RBM6: variants seen among roughly 807,000 people sequenced by gnomAD.
RBM6 encodes the protein RNA binding motif protein 6.
A neutral mutation model predicts 140.4 loss-of-function variants in RBM6; 23 were observed. The ratio of observed to expected loss-of-function variants is 0.16; its 90% CI spans 0.12 to 0.23. RBM6 has a LOEUF of 0.23. Ranked by LOEUF, RBM6 falls within the 10% of genes least tolerant of loss-of-function variation. The probability of loss-of-function intolerance (pLI) is 1.00; values close to 1 mark genes in which losing one functional copy is unlikely to be tolerated. For missense variants in RBM6, 1,139 were observed against 1,386.7 expected (o/e 0.82, Z 2.84); for synonymous variants, 439 against 475.6 (o/e 0.92, Z 1.00).
At chr3:49,966,011 A>C (rs536280389) in intron 2 of RBM6, among the ~76,000 whole-genome samples, 1 of 152,268 alleles carries the variant, frequency 6.6e-6, no homozygotes, top group South Asian at 2.1e-4. Context: ...CTGTAATCCC[A>C]GCTACTCTGG....
intron 1 of RBM6, among the ~76,000 whole-genome samples, chr3:49,942,330 A>C (rs1175218206): frequency 6.6e-6 from 1 of 151,438 alleles, no homozygotes; most frequent in African/African-American, 2.4e-5. Context: ...TCTACTAAAA[A>C]TACAAAAAAT....
At chr3:50,033,963 T>A (rs1455008350) in intron 6 of RBM6, among the ~76,000 whole-genome samples, 2 of 152,068 alleles carry the variant, frequency 1.3e-5, no homozygotes, top group African/African-American at 4.8e-5. Flanking sequence ...CTATGTGTGT[T>A]TTTCCTAAAC....
intron 1 of RBM6, among the ~76,000 whole-genome samples, chr3:49,950,670 G>T (rs1007429224): frequency 9.2e-5 from 14 of 151,852 alleles, no homozygotes; most frequent in Non-Finnish European, 1.3e-4. Context: ...CAGGAGAATC[G>T]CTTGAATCCG....
intron 5 of RBM6, among the ~76,000 whole-genome samples, chr3:49,976,607 ACTCT>A (rs1429899797): frequency 2.0e-5 from 3 of 151,896 alleles, no homozygotes; most frequent in African/African-American, 7.3e-5. Flanking sequence ...ATGCTTTTTA[ACTCT>A]CAGGATAATA....
rs375289059 is a variant in RBM6, at chr3:50,025,995, G to A, written c.1558-22250G>A. ...TGTAATCCCAGCTACTCAGGAGGCC[G>A]AGGCAGAACTGCTTGGAGATGGAGG... On this transcript the variant is annotated intron_variant, in intron 6 of 20. Transcript: ENST00000266022. Among the ~76,000 whole-genome samples the A allele has an allele frequency of 1.2e-4, 18 of 152,196 alleles. No homozygotes were observed. The East Asian group carries it at 2.3e-3, about 20-fold the overall frequency.
At chr3:50,031,464 G>C (rs1232822873) in intron 6 of RBM6, among the ~76,000 whole-genome samples, 1 of 151,928 alleles carries the variant, frequency 6.6e-6, no homozygotes, top group Non-Finnish European at 1.5e-5. Flanking sequence ...CCATCATTCT[G>C]AGCAAACTAT....
rs1015389403 is a variant in RBM6, at chr3:49,967,026, A to T, written c.45-444A>T. On this transcript the variant is annotated intron_variant, in intron 2 of 20. Transcript: ENST00000266022. This position sits in a 1 kb window ranked among gnomAD's most constrained non-coding sequence, Gnocchi z 4.0. ...TACCGCTGGATGCAGCGTGAGAAAG[A>T]TACCTCCTGAAACTTACTGTAAGAA... Among the ~76,000 whole-genome samples the T allele has an allele frequency of 6.6e-6, 1 of 152,154 alleles. No individual in the cohort carries two copies. Among genetic ancestry groups the T allele is most frequent in the African/African-American group, 2.4e-5 (1 of 41,428 alleles).
intron 2 of RBM6, among the ~76,000 whole-genome samples, chr3:49,966,584 A>G (rs2084527620): frequency 6.6e-6 from 1 of 152,200 alleles, no homozygotes. Flanking sequence ...AATGTATTTT[A>G]TTGCCATGAA....
intron 1 of RBM6, among the ~76,000 whole-genome samples, chr3:49,948,202 G>A (rs1559512487): frequency 6.6e-6 from 1 of 152,112 alleles, no homozygotes; most frequent in South Asian, 2.1e-4. Flanking sequence ...CTGCACTGTT[G>A]TGATGGCTGT....
intron 5 of RBM6, among the ~76,000 whole-genome samples, chr3:49,993,682 C>A (rs2085933726): frequency 2.7e-5 from 4 of 150,650 alleles, no homozygotes; most frequent in Non-Finnish European, 5.9e-5. Flanking sequence ...CAGTGTATAT[C>A]TTCCTTTTTT....
chr3:49,973,845 C>T (rs894907787), intron 4 of RBM6, among the ~76,000 whole-genome samples: 1 of 152,060 alleles, frequency 6.6e-6, no homozygotes, highest in South Asian at 2.1e-4. Flanking sequence ...CTCGGCCTCT[C>T]AAAGTGCTGA....
At chr3:50,009,377 T>G (rs1250403931) in intron 6 of RBM6, among the ~76,000 whole-genome samples, 1 of 152,150 alleles carries the variant, frequency 6.6e-6, no homozygotes, top group East Asian at 1.9e-4. Context: ...GCAGGTGACA[T>G]TGAGTGTTAT....
At chr3:50,068,437 G>A (rs539696636) in intron 17 of RBM6, among the ~76,000 whole-genome samples, 3 of 152,288 alleles carry the variant, frequency 2.0e-5, no homozygotes, top group Non-Finnish European at 2.9e-5. Flanking sequence ...TTTCAACTTA[G>A]ATAAAGAGAT....
chr3:50,040,717 C>A (rs1294025702), intron 6 of RBM6, among the ~76,000 whole-genome samples: 1 of 150,114 alleles, frequency 6.7e-6, no homozygotes, highest in Non-Finnish European at 1.5e-5. Flanking sequence ...AATGCAATGG[C>A]GTGAGCTTGG....
chr3:49,991,263 A>G (rs1169041521), intron 5 of RBM6, among the ~76,000 whole-genome samples: 1 of 152,220 alleles, frequency 6.6e-6, no homozygotes, highest in Admixed American at 6.5e-5. Context: ...CCACCGTCCC[A>G]GCATGTAGAT....
At chr3:50,073,969 C>T (rs1207510774) in intron 19 of RBM6, among the ~76,000 whole-genome samples, 3 of 152,036 alleles carry the variant, frequency 2.0e-5, no homozygotes, top group African/African-American at 7.2e-5. Flanking sequence ...CCTGCCTCAG[C>T]CTCCCCAGTA....
intron 6 of RBM6, 55 bp from the exon 7 acceptor site, chr3:50,048,190 C>T: frequency 2.5e-6 from 4 of 1,593,590 alleles, no homozygotes; most frequent in Non-Finnish European, 3.4e-6. Context: ...GCCTTTCTGT[C>T]TCTGTCTGTT....
intron 4 of RBM6, among the ~76,000 whole-genome samples, chr3:49,972,836 C>T (rs1038852837): frequency 6.6e-6 from 1 of 152,110 alleles, no homozygotes; most frequent in Non-Finnish European, 1.5e-5. Flanking sequence ...CATGGTAGCT[C>T]GGCCTGTAAC....
intron 1 of RBM6, among the ~76,000 whole-genome samples, chr3:49,958,656 C>CA (rs2084125813): frequency 6.6e-6 from 1 of 150,988 alleles, no homozygotes; most frequent in Non-Finnish European, 1.5e-5. Context: ...GAAGCTGAGG[C>CA]AGGAGAATGG....
Sources: gnomAD v4.1 joint callset for allele counts (sites outside exome capture counted in the v4.1 genomes callset) on GRCh38, gnomAD v4.1.1 for gene constraint, Gnocchi (gnomAD v3.1) non-coding constraint, MANE v1.5 for transcripts, NCBI Gene and HGNC (gene_info 2026-07-23, HGNC 2026-07-21) for gene names.